The following PHKB variants were observed in gnomAD, a reference collection of about 807,000 sequenced individuals.
PHKB encodes phosphorylase b kinase regulatory subunit beta.
PHKB carries 122 observed loss-of-function variants against 152.1 expected under a neutral mutation model. That is an observed-to-expected ratio of 0.80 (90% confidence interval 0.69 to 0.93). PHKB has a LOEUF of 0.93. Ranked by LOEUF, PHKB falls within the 40% of genes least tolerant of loss-of-function variation. The probability of loss-of-function intolerance (pLI) is 0.00; values close to 1 mark genes in which losing one functional copy is unlikely to be tolerated. For synonymous variants in PHKB, 436 were observed against 464.9 expected (o/e 0.94, Z 0.80); for missense variants, 1,304 against 1,328.4 (o/e 0.98, Z 0.29).
intron 1 of PHKB, among the ~76,000 whole-genome samples, chr16:47,487,064 A>G (rs140860717): frequency 4.1e-4 from 62 of 152,302 alleles, no homozygotes; most frequent in African/African-American, 1.5e-3. Flanking sequence ...GGTGGTAAAC[A>G]CTGACTGATT....
At chr16:47,472,456 C>A (rs771804236) in intron 1 of PHKB, among the ~76,000 whole-genome samples, 3 of 152,024 alleles carry the variant, frequency 2.0e-5, no homozygotes, top group Non-Finnish European at 4.4e-5. Flanking sequence ...TGAGACTAGC[C>A]TGTGCAACAT....
chr16:47,696,584 A>G (rs1354191687), intron 29 of PHKB, 96 bp downstream of exon 29: 4 of 769,676 alleles, frequency 5.2e-6, no homozygotes, highest in Non-Finnish European at 9.5e-6. Flanking sequence ...CCAGAATCCT[A>G]TTCTTTCCAG....
chr16:47,660,141 C>T (rs1027264608), intron 20 of PHKB, among the ~76,000 whole-genome samples: 4 of 152,208 alleles, frequency 2.6e-5, no homozygotes, highest in African/African-American at 9.6e-5. Flanking sequence ...GGATTACGGG[C>T]ATGAGCCACT....
At chr16:47,685,835 G>T (rs1461387472) in intron 26 of PHKB, among the ~76,000 whole-genome samples, 1 of 150,184 alleles carries the variant, frequency 6.7e-6, no homozygotes, top group African/African-American at 2.5e-5. Flanking sequence ...TCCGCCTCCT[G>T]GGTTCACACC....
intron 6 of PHKB, among the ~76,000 whole-genome samples, chr16:47,541,567 A>G (rs936952035): frequency 3.3e-5 from 5 of 152,338 alleles, no homozygotes; most frequent in South Asian, 2.1e-4. Context: ...TTGAGGAATC[A>G]CCACACTGTC....
Position 47,516,085 on chromosome 16 carries a change from G to A in PHKB, c.594+484G>A, listed in dbSNP as rs565676713. Among the ~76,000 whole-genome samples the A allele has an allele frequency of 3.7e-3, 555 of 151,976 alleles. 1 individual carries two copies. The highest frequency in any genetic ancestry group is 6.4e-3 in the Non-Finnish European group (437 of 67,990). ...TGGGATTATAGGCATGTGCCACTAC[G>A]CCTGGCTAATTTTTTGTATTTTAGT... On this transcript the variant is annotated intron_variant, in intron 6 of 30. Transcript: ENST00000323584.
intron 1 of PHKB, among the ~76,000 whole-genome samples, chr16:47,484,310 T>C (rs564172076): frequency 2.0e-5 from 3 of 152,330 alleles, no homozygotes; most frequent in East Asian, 3.9e-4. Context: ...AAATTTTGCT[T>C]CCTTTTTATG....
At chr16:47,473,967 T>C (rs1169203705) in intron 1 of PHKB, among the ~76,000 whole-genome samples, 1 of 152,226 alleles carries the variant, frequency 6.6e-6, no homozygotes, top group Non-Finnish European at 1.5e-5. Flanking sequence ...CTGAAGCTTT[T>C]GCCTCCTATC....
chr16:47,616,601 T>C (rs974004824), intron 14 of PHKB, among the ~76,000 whole-genome samples: 48 of 146,706 alleles, frequency 3.3e-4, no homozygotes, highest in African/African-American at 9.9e-4. Flanking sequence ...TAATATATAA[T>C]ATTTTACATA....
intron 2 of PHKB, among the ~76,000 whole-genome samples, chr16:47,499,376 T>C (rs1970285770): frequency 6.6e-6 from 1 of 152,252 alleles, no homozygotes; most frequent in South Asian, 2.1e-4. Flanking sequence ...GCATTTGCTT[T>C]AAGTTTACCT....
chr16:47,689,225 A>G (rs770352290), intron 27 of PHKB, 50 bp downstream of exon 27: 3 of 1,580,444 alleles, frequency 1.9e-6, no homozygotes, highest in Non-Finnish European at 2.6e-6. Flanking sequence ...TTACAATAAC[A>G]TCATAATTTT....
chr16:47,650,950 A>T, intron 20 of PHKB, 29 bp downstream of exon 20: 1 of 1,420,010 alleles, frequency 7.0e-7, no homozygotes, highest in Non-Finnish European at 1.0e-6. Context: ...GTATGCATCT[A>T]TTTTCAGGAC....
At chr16:47,584,519 G>T (rs1456060278) in intron 8 of PHKB, among the ~76,000 whole-genome samples, 12 of 152,144 alleles carry the variant, frequency 7.9e-5, no homozygotes, top group Non-Finnish European at 1.8e-4. Flanking sequence ...AAGAAGCTTG[G>T]GTTGTGAGAG....
intron 7 of PHKB, among the ~76,000 whole-genome samples, chr16:47,559,962 T>C (rs566228098): frequency 6.6e-6 from 1 of 152,240 alleles, no homozygotes; most frequent in Non-Finnish European, 1.5e-5. Context: ...CTGCTGCCAT[T>C]AGTGTGCTAA....
chr16:47,588,598 A>G (rs1971974239), intron 9 of PHKB, among the ~76,000 whole-genome samples: 1 of 152,150 alleles, frequency 6.6e-6, no homozygotes, highest in South Asian at 2.1e-4. Context: ...CCTCTTTTTC[A>G]TTATTATAAG....
chr16:47,660,313 T>C (rs559154572), intron 20 of PHKB, among the ~76,000 whole-genome samples, 193 bp from the exon 21 acceptor site: 2 of 152,264 alleles, frequency 1.3e-5, no homozygotes, highest in East Asian at 3.9e-4. Context: ...GTATATTCTA[T>C]TTTAGGGTTT....
chr16:47,689,327 A>G (rs771094754), intron 27 of PHKB, 152 bp downstream of exon 27: 87 of 717,036 alleles, frequency 1.2e-4, no homozygotes, highest in Non-Finnish European at 2.0e-4. Flanking sequence ...AAGTGTAAAC[A>G]GAAAGACCAA....
At chr16:47,477,305 G>T (rs1277177523) in intron 1 of PHKB, among the ~76,000 whole-genome samples, 1 of 152,120 alleles carries the variant, frequency 6.6e-6, no homozygotes, top group Admixed American at 6.5e-5. Flanking sequence ...GACAAGATTT[G>T]TTGCAGCTTT....
intron 7 of PHKB, among the ~76,000 whole-genome samples, chr16:47,556,554 T>G (rs1971373565): frequency 6.6e-6 from 1 of 152,236 alleles, no homozygotes; most frequent in Non-Finnish European, 1.5e-5. Context: ...TGGTTCTGTT[T>G]ATATGCTGGA....
Sources: gnomAD v4.1 joint callset for allele counts (sites outside exome capture counted in the v4.1 genomes callset) on GRCh38, gnomAD v4.1.1 for gene constraint, MANE v1.5 for transcripts, NCBI Gene and HGNC (gene_info 2026-07-23, HGNC 2026-07-21) for gene names.